Variants in PCCB observed in about 807,000 individuals in gnomAD.
PCCB encodes the protein propionyl-CoA carboxylase subunit beta, also known as propionyl-CoA carboxylase beta chain, mitochondrial.
A neutral mutation model predicts 60.7 loss-of-function variants in PCCB; 43 were observed. The ratio of observed to expected loss-of-function variants is 0.71; its 90% confidence interval spans 0.55 to 0.91. The LOEUF (loss-of-function observed/expected upper bound fraction) is 0.91. Among genes scored for constraint, PCCB ranks in the 40% least tolerant of loss-of-function variants. The pLI is 0.00. For synonymous variants in PCCB, 276 were observed against 255.9 expected (o/e 1.08, Z -0.75); for missense variants, 766 against 702.8 (o/e 1.09, Z -1.02).
At chr3:136,256,182 A>T in intron 2 of PCCB, 1 of 666,980 alleles carries the variant, frequency 1.5e-6, no homozygotes, top group African/African-American at 1.8e-5. Flanking sequence ...GCTTCAAGCA[A>T]TCCACCCACC....
Position 136,278,292 on chromosome 3 carries a change from TAC to T in PCCB, c.544-5543_544-5542del, listed in dbSNP as rs376394438. On this transcript the variant is annotated intron_variant, in intron 5 of 14. Transcript: ENST00000251654. Reference sequence around the variant, plus strand: ...CTCTCTATCTCACACTCTGGAGACTTACAGTTTTTCCCTTGTCTTATGGTTTA... The same window carrying T: ...CTCTCTATCTCACACTCTGGAGACTTAGTTTTTCCCTTGTCTTATGGTTTA... 2.5e-3 allele frequency among the ~76,000 whole-genome samples: 374 copies of T among 152,306 alleles called. 1 individual carries two copies. The highest frequency in any genetic ancestry group is 8.4e-3 in the African/African-American group (350 of 41,568).
intron 3 of PCCB, among the ~76,000 whole-genome samples, chr3:136,257,634 C>T (rs977970152): frequency 2.0e-5 from 3 of 152,004 alleles, no homozygotes; most frequent in African/African-American, 7.3e-5. Context: ...TTTTACAGAC[C>T]TAAAGTTTGA....
At chr3:136,323,824 C>T (rs1393816114) in intron 10 of PCCB, among the ~76,000 whole-genome samples, 1 of 141,152 alleles carries the variant, frequency 7.1e-6, no homozygotes, top group Non-Finnish European at 1.5e-5. Flanking sequence ...AAAAAAAAAA[C>T]CCACTAGTAG....
At chr3:136,314,664 A>G in intron 9 of PCCB, among the ~76,000 whole-genome samples, 1 of 151,602 alleles carries the variant, frequency 6.6e-6, no homozygotes, top group East Asian at 1.9e-4. Context: ...CAAGAAAAAC[A>G]AAAACAAAAA....
At position 136,250,575 on chromosome 3, in the gene PCCB, C is replaced by T. The variant is rs776965589; in HGVS notation, c.183+17C>T. 3.2e-5 allele frequency: 52 copies of T among 1,600,874 alleles called. No individual in the cohort carries two copies. Among genetic ancestry groups the T allele is most frequent in the Non-Finnish European group, 4.3e-5 (50 of 1,172,708 alleles). On this transcript the variant is annotated intron_variant, in intron 1 of 14. Coordinates refer to ENST00000251654, the MANE Select transcript of PCCB (RefSeq NM_000532.5). Reference sequence around the variant, plus strand: ...CACAAGCGAGTGAGTCCTGAGGGGCCTAAGTGAGTCCCGCCCCTGGCGTCC... The same window carrying T: ...CACAAGCGAGTGAGTCCTGAGGGGCTTAAGTGAGTCCCGCCCCTGGCGTCC...
chr3:136,259,185 G>A (rs1941756419), intron 3 of PCCB: 1 of 1,456,746 alleles, frequency 6.9e-7, no homozygotes, highest in Admixed American at 2.3e-5. Flanking sequence ...GCAAATAATA[G>A]GCTGGGCACA....
intron 3 of PCCB, among the ~76,000 whole-genome samples, chr3:136,257,837 G>T (rs1368231815): frequency 6.6e-6 from 1 of 152,166 alleles, no homozygotes; most frequent in East Asian, 1.9e-4. Context: ...GGAGGCTGAG[G>T]CAGGAGAATC....
intron 1 of PCCB, chr3:136,255,613 C>T (rs1941651435): frequency 5.6e-6 from 3 of 539,502 alleles, no homozygotes; most frequent in Non-Finnish European, 1.0e-5. Context: ...TTTTCCTCGT[C>T]CTATTTCCTT....
At chr3:136,286,642 C>A (rs1233333455) in intron 6 of PCCB, among the ~76,000 whole-genome samples, 1 of 152,158 alleles carries the variant, frequency 6.6e-6, no homozygotes, top group Non-Finnish European at 1.5e-5. Flanking sequence ...AATCAAATTG[C>A]TTCTTAGCAC....
rs1935428826 is a variant in PCCB, at chr3:136,328,838, T to C, written c.1479T>C (p.Pro493=). Residue 493 remains proline (P), a synonymous_variant, in exon 14 of 15, where the codon CCT becomes CCC. Coordinates refer to ENST00000251654, the MANE Select transcript of PCCB (RefSeq NM_000532.5). ...AGTACATCGAGAAGTTTGCCAACCC[T>C]TTCCCTGCAGCAGTGCGAGGTAGGG... is the stretch of plus-strand genomic sequence containing the variant. ...QAEYIEKFAN[P]FPAAVRGFVD... is the part of the protein sequence containing the mutation. 1 of 1,613,866 alleles carries C rather than the reference T, an allele frequency of 6.2e-7. No individual in the cohort carries two copies. Among genetic ancestry groups the C allele is most frequent in the Non-Finnish European group, 8.5e-7 (1 of 1,179,710 alleles).
chr3:136,260,747 G>A (rs1189575166), intron 4 of PCCB, among the ~76,000 whole-genome samples: 1 of 152,082 alleles, frequency 6.6e-6, no homozygotes, highest in East Asian at 1.9e-4. Context: ...GTTTTTACAT[G>A]CCTAAAATAA....
intron 5 of PCCB, among the ~76,000 whole-genome samples, chr3:136,263,309 A>G (rs1280603699): frequency 7.1e-6 from 1 of 141,270 alleles, no homozygotes; most frequent in Non-Finnish European, 1.5e-5. Flanking sequence ...TTGGTTGGCC[A>G]GGCTGGAATG....
chr3:136,313,672 C>A (rs961082569), intron 9 of PCCB, among the ~76,000 whole-genome samples: 1 of 152,028 alleles, frequency 6.6e-6, no homozygotes, highest in Admixed American at 6.6e-5. Context: ...TGGGGAAAAC[C>A]TTTAAAATGA....
At chr3:136,298,286 C>T (rs1053693366) in intron 8 of PCCB, among the ~76,000 whole-genome samples, 7 of 152,058 alleles carry the variant, frequency 4.6e-5, no homozygotes, top group African/African-American at 1.7e-4. Context: ...TAATGTATAT[C>T]TTGGTGGTGA....
At chr3:136,319,950 A>C (rs996739532) in intron 10 of PCCB, among the ~76,000 whole-genome samples, 3 of 152,148 alleles carry the variant, frequency 2.0e-5, no homozygotes, top group Non-Finnish European at 2.9e-5. Flanking sequence ...CGTTTGTTGA[A>C]GAGATTATTC....
chr3:136,307,788 C>A (rs902108125), intron 9 of PCCB, among the ~76,000 whole-genome samples: 4 of 151,898 alleles, frequency 2.6e-5, no homozygotes, highest in African/African-American at 9.7e-5. Flanking sequence ...CCAGCCTGAC[C>A]AACATGGAGA....
At chr3:136,287,185 A>G (rs2091709775) in intron 6 of PCCB, among the ~76,000 whole-genome samples, 1 of 152,076 alleles carries the variant, frequency 6.6e-6, no homozygotes, top group Admixed American at 6.5e-5. Flanking sequence ...CTTTTATGGT[A>G]GTGTTTTTAT....
intron 5 of PCCB, among the ~76,000 whole-genome samples, chr3:136,265,991 A>C (rs1160531911): frequency 1.3e-5 from 2 of 151,682 alleles, no homozygotes; most frequent in Admixed American, 6.6e-5. Context: ...ACGCCCGGCT[A>C]ATTTTTTGTA....
In PCCB at chr3:136,328,765, T is replaced by C. The variant is rs1371598866; in HGVS notation, c.1406T>C (p.Val469Ala). The C allele has an allele frequency of 6.2e-7, 1 of 1,613,672 alleles. No homozygotes were observed. The highest frequency in any genetic ancestry group is 2.2e-5 in the East Asian group (1 of 44,878). The change falls in exon 14 of 15, where the codon GTG becomes GCG. Residue 469 changes from valine to alanine, a missense_variant. Coordinates refer to ENST00000251654, the MANE Select transcript of PCCB (RefSeq NM_000532.5). ...GAACTCCTCTAATCACAGGGCGCTG[T>C]GGAGATCATCTTCAAAGGGCATGAG... ...EIAVMGAKGA[V>A]EIIFKGHENV...
Sources: gnomAD v4.1 joint callset for allele counts (sites outside exome capture counted in the v4.1 genomes callset) on GRCh38, gnomAD v4.1.1 for gene constraint, MANE v1.5 for transcripts, NCBI Gene and HGNC (gene_info 2026-07-23, HGNC 2026-07-21) for gene names.